Variants in RAPGEF5 observed in about 807,000 individuals in gnomAD.
RAPGEF5 encodes M-Ras-regulated GEF.
In RAPGEF5, 65 loss-of-function variants were observed where a neutral mutation model predicts 125.2. That is an observed-to-expected ratio of 0.52 (90% confidence interval 0.43 to 0.64). The LOEUF (loss-of-function observed/expected upper bound fraction) is 0.64, where lower values mean the gene tolerates loss of function less well. RAPGEF5 is among the 30% of genes least tolerant of loss of function. The pLI, the probability that RAPGEF5 is intolerant of heterozygous loss-of-function variation, is 0.00. For synonymous variants in RAPGEF5, 391 were observed against 385.9 expected (o/e 1.01, Z -0.16); for missense variants, 958 against 1,048.1 (o/e 0.91, Z 1.19).
chr7:22,320,068 C>T (rs555727833), intron 1 of RAPGEF5, among the ~76,000 whole-genome samples: 30 of 152,240 alleles, frequency 2.0e-4, no homozygotes, highest in South Asian at 8.3e-4. Flanking sequence ...TAGATAGCAG[C>T]GTTAGATAAG....
At chr7:22,207,582 C>T (rs1359960734) in intron 9 of RAPGEF5, among the ~76,000 whole-genome samples, 2 of 152,176 alleles carry the variant, frequency 1.3e-5, no homozygotes, top group Non-Finnish European at 2.9e-5. Context: ...AGTAGAACAA[C>T]TTTAAACAAC....
chr7:22,171,888 C>T (rs1784360703), intron 11 of RAPGEF5, among the ~76,000 whole-genome samples: 1 of 152,192 alleles, frequency 6.6e-6, no homozygotes, highest in African/African-American at 2.4e-5. Flanking sequence ...CTATCCTCCC[C>T]ACTCCAAAAT....
chr7:22,204,851 A>C (rs978762816), intron 9 of RAPGEF5, among the ~76,000 whole-genome samples: 2 of 152,218 alleles, frequency 1.3e-5, no homozygotes, highest in African/African-American at 4.8e-5. Flanking sequence ...ATGATTTGAG[A>C]GGCAAGCAAA....
intron 8 of RAPGEF5, 92 bp downstream of exon 8, chr7:22,230,754 G>GTA: frequency 8.4e-7 from 1 of 1,195,624 alleles, no homozygotes; most frequent in Non-Finnish European, 1.2e-6. Flanking sequence ...AACATAAAAG[G>GTA]TAAAACCTAT....
Position 22,154,670 on chromosome 7 carries a change from A to G in RAPGEF5, c.1637-66T>C. ...GGTCACGAGGTATAGACTTTTCCAAATCAAGGCACCTTGATCAACTTTTCT... is the reference window on the plus strand; with the variant it reads ...GGTCACGAGGTATAGACTTTTCCAAGTCAAGGCACCTTGATCAACTTTTCT... On this transcript the variant is annotated intron_variant, in intron 16 of 25. Transcript: ENST00000665637. 3 of 1,541,856 alleles carry G rather than the reference A, an allele frequency of 1.9e-6. No individual in the cohort carries two copies. The South Asian group carries it at 3.7e-5, about 19-fold the overall frequency.
rs545094015 is a variant in RAPGEF5 at position 22,168,139 on chromosome 7, C to T, written c.1205-991G>A. Among the ~76,000 whole-genome samples, 13 of 152,074 alleles carry T rather than the reference C, an allele frequency of 8.5e-5. No individual in the cohort carries two copies. In the South Asian group the frequency reaches 2.5e-3, roughly 29 times the overall value. On this transcript the variant is annotated intron_variant, in intron 11 of 25. Coordinates refer to ENST00000665637, the MANE Select transcript of RAPGEF5 (RefSeq NM_012294.5). ...TGAATGCTTATGTCCTTTGCAACACCCCCACCCCTGCCACTTTATATGTTG... is the reference window on the plus strand; with the variant it reads ...TGAATGCTTATGTCCTTTGCAACACTCCCACCCCTGCCACTTTATATGTTG...
intron 7 of RAPGEF5, among the ~76,000 whole-genome samples, chr7:22,236,384 C>G (rs1336719459): frequency 6.6e-6 from 1 of 152,290 alleles, no homozygotes; most frequent in African/African-American, 2.4e-5. Flanking sequence ...AACATGTCTG[C>G]TACATACAAG....
Position 22,150,522 on chromosome 7 carries a change from A to G in RAPGEF5, c.1787-18T>C. ...ATGCTTTTCTTTATTTGAAAAAAAA[A>G]AAAAAAAAAGGAATAATCAGAAATA... On this transcript the variant is annotated intron_variant, in intron 17 of 25. Coordinates refer to ENST00000665637, the MANE Select transcript of RAPGEF5 (RefSeq NM_012294.5). 6.3e-7 allele frequency: 1 copy of G among 1,590,278 alleles called. No individual in the cohort carries two copies. The highest frequency in any genetic ancestry group is 8.5e-7 in the Non-Finnish European group (1 of 1,174,678).
At chr7:22,220,165 A>G in intron 8 of RAPGEF5, 174 bp from the exon 9 acceptor site, 1 of 763,744 alleles carries the variant, frequency 1.3e-6, no homozygotes, top group Non-Finnish European at 2.1e-6. Context: ...ATAACCTAAG[A>G]GCACCATGCC....
intron 9 of RAPGEF5, among the ~76,000 whole-genome samples, chr7:22,196,090 A>G (rs1318729658): frequency 6.6e-6 from 1 of 152,242 alleles, no homozygotes. Context: ...TACTATCAAT[A>G]GCATCTATGT....
chr7:22,356,996 G>T lies in RAPGEF5; in HGVS notation c.65C>A (p.Ala22Glu), dbSNP rs1436833071. The change falls in exon 1 of 26, where the codon GCG becomes GAG. Residue 22 changes from alanine to glutamate, a missense_variant. Physicochemically the swap from Ala to Glu is moderately radical, Grantham distance 107. Coordinates refer to ENST00000665637, the MANE Select transcript of RAPGEF5 (RefSeq NM_012294.5). The part of the protein sequence containing the change: ...PPCESPALAA[A>E]AAVVAADGPL... ...GCCGTCTGCCGCCACCACCGCCGCCGCGGCGGCCAGGGCCGGGCTCTCGCA... is the reference window on the plus strand; with the variant it reads ...GCCGTCTGCCGCCACCACCGCCGCCTCGGCGGCCAGGGCCGGGCTCTCGCA... 6.1e-5 allele frequency: 62 copies of T among 1,024,400 alleles called. No individual in the cohort carries two copies. Among genetic ancestry groups the T allele is most frequent in the Non-Finnish European group, 7.1e-5 (61 of 857,504 alleles). The allele number at this position is 1,024,400 out of a possible 1,614,324, so 63.5% of individuals were successfully genotyped here. A position where few individuals can be genotyped will look rare whatever the true frequency, so the allele number is the denominator to read the frequency against.
intron 7 of RAPGEF5, among the ~76,000 whole-genome samples, chr7:22,243,255 T>C (rs926233825): frequency 6.6e-6 from 1 of 152,122 alleles, no homozygotes; most frequent in Non-Finnish European, 1.5e-5. Flanking sequence ...TTTTTGTTTG[T>C]TTGTTTTTGT....
intron 2 of RAPGEF5, among the ~76,000 whole-genome samples, chr7:22,317,104 A>C (rs1783617201): frequency 6.6e-6 from 1 of 152,132 alleles, no homozygotes; most frequent in South Asian, 2.1e-4. Context: ...AGTCATTCAA[A>C]AAGTACATAA....
intron 11 of RAPGEF5, among the ~76,000 whole-genome samples, chr7:22,179,955 G>A (rs1784623895): frequency 6.6e-6 from 1 of 152,170 alleles, no homozygotes; most frequent in Admixed American, 6.5e-5. Flanking sequence ...AGCAGCTCAA[G>A]CTGCTGCTCT....
intron 12 of RAPGEF5, among the ~76,000 whole-genome samples, chr7:22,165,914 T>C (rs1182085422): frequency 2.0e-5 from 3 of 151,650 alleles, no homozygotes; most frequent in Non-Finnish European, 4.4e-5. Context: ...CTCCTGGACT[T>C]AAGTAATCCT....
intron 6 of RAPGEF5, among the ~76,000 whole-genome samples, chr7:22,284,697 G>T (rs777342902): frequency 6.6e-6 from 1 of 152,152 alleles, no homozygotes; most frequent in East Asian, 1.9e-4. Context: ...CACTGGGGGT[G>T]TAACTTTTAT....
At chr7:22,256,935 T>C (rs1786776856) in intron 7 of RAPGEF5, among the ~76,000 whole-genome samples, 1 of 152,232 alleles carries the variant, frequency 6.6e-6, no homozygotes, top group Non-Finnish European at 1.5e-5. Flanking sequence ...CAAAGGCACA[T>C]CCTAATGGCC....
intron 7 of RAPGEF5, among the ~76,000 whole-genome samples, chr7:22,248,557 T>C (rs1375603414): frequency 1.3e-5 from 2 of 152,138 alleles, no homozygotes; most frequent in South Asian, 2.1e-4. Context: ...GCTGGGACAA[T>C]GCCCCCAACT....
chr7:22,207,436 C>T (rs1469442525), intron 9 of RAPGEF5, among the ~76,000 whole-genome samples: 1 of 151,992 alleles, frequency 6.6e-6, no homozygotes, highest in Non-Finnish European at 1.5e-5. Context: ...TGAGGAAAGC[C>T]TCAGAATACA....
Sources: gnomAD v4.1 joint callset for allele counts (sites outside exome capture counted in the v4.1 genomes callset) on GRCh38, gnomAD v4.1.1 for gene constraint, MANE v1.5 for transcripts, NCBI Gene and HGNC (gene_info 2026-07-23, HGNC 2026-07-21) for gene names.